Variants in WDPCP observed in about 807,000 individuals in gnomAD.
WDPCP encodes WD repeat containing planar cell polarity effector, also known as WD repeat-containing and planar cell polarity effector protein fritz homolog.
A neutral mutation model predicts 93.1 loss-of-function variants in WDPCP; 71 were observed. The observed-to-expected ratio is 0.76, with a 90% CI of 0.63 to 0.93. The LOEUF (loss-of-function observed/expected upper bound fraction) is 0.93, where lower values mean the gene tolerates loss of function less well. WDPCP is among the 40% of genes least tolerant of loss of function. The pLI, the probability that WDPCP is intolerant of heterozygous loss-of-function variation, is 0.00. For synonymous variants in WDPCP, 315 were observed against 315.0 expected, an observed-to-expected ratio of 1.00 and a Z score of 0.00; for missense variants, 844 against 887.4, an observed-to-expected ratio of 0.95 and a Z score of 0.62.
rs904322673 is a variant in WDPCP, at chr2:63,356,040, A to G, written c.1748+22346T>C. Among the ~76,000 whole-genome samples, 4 of 152,216 alleles carry G rather than the reference A, an allele frequency of 2.6e-5. 1 individual carries two copies. The highest frequency in any genetic ancestry group is 4.1e-4 in the South Asian group (2 of 4,830). On this transcript the variant is annotated intron_variant, in intron 12 of 17. Transcript: ENST00000272321. ...GCTGTCTTCAAGAGACCCAACTCAC[A>G]GGTAATAACACTCATAGGCTCAAAA...
At chr2:63,458,532 A>G (rs1267347796) in intron 6 of WDPCP, among the ~76,000 whole-genome samples, 1 of 152,184 alleles carries the variant, frequency 6.6e-6, no homozygotes, top group Non-Finnish European at 1.5e-5. Flanking sequence ...AAATTTAACT[A>G]ATTTAGTGAA....
intron 2 of WDPCP, among the ~76,000 whole-genome samples, chr2:63,653,709 G>A (rs972191477): frequency 2.6e-5 from 4 of 152,206 alleles, no homozygotes; most frequent in East Asian, 1.9e-4. Context: ...TCAGGAGTTC[G>A]TGACCAGCCG....
At chr2:63,264,392 C>G (rs972809533) in intron 13 of WDPCP, among the ~76,000 whole-genome samples, 6 of 152,168 alleles carry the variant, frequency 3.9e-5, no homozygotes, top group Non-Finnish European at 5.9e-5. Context: ...GTAATCCCAG[C>G]ACTTTGGGAG....
At chr2:63,139,384 T>C (rs941126159) in intron 17 of WDPCP, among the ~76,000 whole-genome samples, 2 of 152,228 alleles carry the variant, frequency 1.3e-5, no homozygotes, top group Admixed American at 1.3e-4. Flanking sequence ...TTTTAGTTCT[T>C]TAAGGAATCT....
At chr2:63,513,341 C>G (rs747613733) in intron 1 of WDPCP, among the ~76,000 whole-genome samples, 14 of 151,858 alleles carry the variant, frequency 9.2e-5, no homozygotes, top group Non-Finnish European at 1.9e-4. Flanking sequence ...GTGGCATAAC[C>G]ATGTTGGAGG....
At chr2:63,604,132 C>T (rs1709483345) in intron 3 of WDPCP, among the ~76,000 whole-genome samples, 1 of 152,204 alleles carries the variant, frequency 6.6e-6, no homozygotes. Flanking sequence ...AAACCTCTTT[C>T]CTTCAGTTTC....
intron 3 of WDPCP, chr2:63,622,092 G>GTTTTTT: frequency 2.5e-6 from 1 of 394,624 alleles, no homozygotes; most frequent in Non-Finnish European, 3.5e-6. Context: ...TTTGGAAGTT[G>GTTTTTT]ATTTTTAATG....
chr2:63,599,049 G>C, intron 3 of WDPCP: 1 of 796,546 alleles, frequency 1.3e-6, no homozygotes, highest in East Asian at 2.9e-5. Context: ...TATTGTATTT[G>C]GTGTTTCCCA....
intron 6 of WDPCP, among the ~76,000 whole-genome samples, chr2:63,448,288 A>G (rs2105607250): frequency 6.6e-6 from 1 of 152,320 alleles, no homozygotes; most frequent in East Asian, 1.9e-4. Flanking sequence ...AAAAAAGAAT[A>G]AATGAAAAAA....
intron 2 of WDPCP, among the ~76,000 whole-genome samples, chr2:63,765,144 T>C (rs1670118419): frequency 6.6e-6 from 1 of 152,186 alleles, no homozygotes; most frequent in Non-Finnish European, 1.5e-5. Flanking sequence ...AAATATTGAC[T>C]ACAATAAAGA....
At chr2:63,573,485 T>A (rs1032227826) in intron 1 of WDPCP, among the ~76,000 whole-genome samples, 1 of 152,226 alleles carries the variant, frequency 6.6e-6, no homozygotes, top group African/African-American at 2.4e-5. Flanking sequence ...TCATGGACAC[T>A]TATCACTTCC....
At chr2:63,649,775 G>C (rs370809621) in intron 3 of WDPCP, among the ~76,000 whole-genome samples, 57 of 152,278 alleles carry the variant, frequency 3.7e-4, no homozygotes, top group Middle Eastern at 6.8e-3. Context: ...CCAGAAAGGG[G>C]GGCTTGTGGG....
chr2:63,204,702 G>GT lies in WDPCP; in HGVS notation c.1916-29871dup, dbSNP rs569514473. Among the ~76,000 whole-genome samples, 173 of 151,914 alleles carry GT rather than the reference G, an allele frequency of 1.1e-3. 5 individuals carry two copies. The East Asian group carries it at 0.015, about 13-fold the overall frequency. On this transcript the variant is annotated intron_variant, in intron 14 of 17. Coordinates refer to ENST00000272321, the MANE Select transcript of WDPCP (RefSeq NM_015910.7). ...TCATTTTTAAATAGGATTATTACAT[G>GT]TTTTTTTTCATACAGAGTTGTTTAA...
chr2:63,364,198 G>A (rs997600931), intron 12 of WDPCP, among the ~76,000 whole-genome samples: 4 of 151,808 alleles, frequency 2.6e-5, no homozygotes, highest in South Asian at 4.2e-4. Context: ...TACATTCATC[G>A]TTAAGCAGTT....
intron 14 of WDPCP, among the ~76,000 whole-genome samples, chr2:63,232,045 G>T (rs914038092): frequency 5.9e-5 from 9 of 152,028 alleles, no homozygotes; most frequent in African/African-American, 1.9e-4. Context: ...CAACCATCTG[G>T]TCTTTGACAA....
intron 2 of WDPCP, among the ~76,000 whole-genome samples, chr2:63,708,938 GA>G (rs1055040242): frequency 4.7e-5 from 7 of 147,418 alleles, no homozygotes; most frequent in Admixed American, 2.0e-4. Context: ...AACAGAATGG[GA>G]AATTTGGCCG....
chr2:63,539,899 A>T (rs1479334516), intron 1 of WDPCP, among the ~76,000 whole-genome samples: 2 of 152,136 alleles, frequency 1.3e-5, no homozygotes, highest in African/African-American at 2.4e-5. Flanking sequence ...TATTCAGGAC[A>T]TGTTTTGCAT....
chr2:63,413,044 A>C (rs1695138497), intron 9 of WDPCP, among the ~76,000 whole-genome samples: 1 of 152,238 alleles, frequency 6.6e-6, no homozygotes, highest in East Asian at 1.9e-4. Flanking sequence ...ATGGAACCAA[A>C]AAAGAGCCCA....
At chr2:63,203,824 T>C (rs1400368685) in intron 14 of WDPCP, among the ~76,000 whole-genome samples, 1 of 152,254 alleles carries the variant, frequency 6.6e-6, no homozygotes, top group African/African-American at 2.4e-5. Context: ...GAGAAGTTTG[T>C]CTCTCTGTGC....
Sources: allele counts gnomAD v4.1 joint callset (sites outside exome capture counted in the v4.1 genomes callset), GRCh38; gene constraint gnomAD v4.1.1; transcripts MANE v1.5; gene names NCBI Gene and HGNC (gene_info 2026-07-23, HGNC 2026-07-21).